B3GALT1: variants seen among roughly 807,000 people sequenced by gnomAD.
B3GALT1 encodes the protein beta-1,3-galactosyltransferase 1.
A neutral mutation model predicts 23.2 loss-of-function variants in B3GALT1; 10 were observed. That is an observed-to-expected ratio of 0.43 (90% CI 0.27 to 0.73). The LOEUF is 0.73. Ranked by LOEUF, B3GALT1 falls within the 30% of genes least tolerant of loss-of-function variation. The probability of loss-of-function intolerance (pLI) is 0.21; values close to 1 mark genes in which losing one functional copy is unlikely to be tolerated. For synonymous variants in B3GALT1, 156 were observed against 141.5 expected, an observed-to-expected ratio of 1.10 and a Z score of -0.73; for missense variants, 299 against 405.4, an observed-to-expected ratio of 0.74 and a Z score of 2.25.
chr2:167,692,830 G>T (rs1024641318), intron 3 of B3GALT1, among the ~76,000 whole-genome samples: 2 of 151,722 alleles, frequency 1.3e-5, no homozygotes, highest in Admixed American at 6.6e-5. Flanking sequence ...TTAATCACTG[G>T]GGCTCTGCTA....
chr2:167,840,319 A>C (rs998498684), intron 4 of B3GALT1, among the ~76,000 whole-genome samples: 5 of 152,158 alleles, frequency 3.3e-5, no homozygotes, highest in Admixed American at 6.5e-5. Flanking sequence ...CAATGAACTC[A>C]AACAAATTTA....
At chr2:167,651,960 G>T (rs1343288795) in intron 3 of B3GALT1, among the ~76,000 whole-genome samples, 1 of 151,828 alleles carries the variant, frequency 6.6e-6, no homozygotes, top group Non-Finnish European at 1.5e-5. Context: ...CCTTCCCTTT[G>T]CCCCAGCACA....
At chr2:167,416,015 T>C (rs10803825) in intron 1 of B3GALT1, among the ~76,000 whole-genome samples, 140,626 of 152,214 alleles carry the variant, frequency 0.92, 65,613 homozygotes, top group Non-Finnish European at 0.99. Flanking sequence ...AAAAAAAGAT[T>C]TGGAAAACTC....
At chr2:167,525,619 C>A (rs981063007) in intron 2 of B3GALT1, among the ~76,000 whole-genome samples, 1 of 151,532 alleles carries the variant, frequency 6.6e-6, no homozygotes, top group Non-Finnish European at 1.5e-5. Flanking sequence ...GGAGCTCTTT[C>A]ATTTTTTTTA....
intron 3 of B3GALT1, among the ~76,000 whole-genome samples, chr2:167,704,928 TAA>T (rs1046514888): frequency 6.6e-6 from 1 of 151,796 alleles, no homozygotes; most frequent in African/African-American, 2.4e-5. Context: ...TATGATAAAA[TAA>T]AGAGGGAGAG....
At chr2:167,634,956 T>C (rs1474548727) in intron 2 of B3GALT1, among the ~76,000 whole-genome samples, 1 of 152,138 alleles carries the variant, frequency 6.6e-6, no homozygotes, top group African/African-American at 2.4e-5. Context: ...CTGTATAAAA[T>C]ACTGGCAAAC....
At chr2:167,351,586 G>T (rs1383745695) in intron 1 of B3GALT1, among the ~76,000 whole-genome samples, 3 of 152,200 alleles carry the variant, frequency 2.0e-5, no homozygotes, top group South Asian at 2.1e-4. Flanking sequence ...ACACAAGTGT[G>T]TGTAGAGGAG....
chr2:167,462,363 A>C (rs1371902620), intron 1 of B3GALT1, among the ~76,000 whole-genome samples: 1 of 152,186 alleles, frequency 6.6e-6, no homozygotes, highest in Non-Finnish European at 1.5e-5. Flanking sequence ...AAAGTCCTTG[A>C]TTTAGGCTAC....
chr2:167,396,431 T>G (rs1698096950), intron 1 of B3GALT1, among the ~76,000 whole-genome samples: 1 of 151,792 alleles, frequency 6.6e-6, no homozygotes, highest in Non-Finnish European at 1.5e-5. Flanking sequence ...ATAAAATCTT[T>G]ACTATTTAGA....
At chr2:167,411,378 C>CAAAA (rs60719828) in intron 1 of B3GALT1, among the ~76,000 whole-genome samples, 7 of 136,544 alleles carry the variant, frequency 5.1e-5, no homozygotes, top group African/African-American at 1.9e-4. Context: ...AACAAAAAAC[C>CAAAA]AAAAAAAAAA....
chr2:167,808,258 T>C lies in B3GALT1; in HGVS notation c.-351-10414T>C, dbSNP rs1338945587. Among the ~76,000 whole-genome samples the C allele has an allele frequency of 2.6e-5, 4 of 151,084 alleles. 1 individual carries two copies. The highest frequency in any genetic ancestry group is 1.9e-4 in the East Asian group (1 of 5,190). On this transcript the variant is annotated intron_variant, in intron 3 of 4. Coordinates refer to ENST00000392690, the MANE Select transcript of B3GALT1 (RefSeq NM_020981.4). ...TGATGGGTCTTGACTCTTTATCCAA[T>C]TTGCCAGTCTGTGTCTTTTAATTGG...
At chr2:167,365,585 T>TACAC (rs10683932) in intron 1 of B3GALT1, among the ~76,000 whole-genome samples, 12,154 of 140,376 alleles carry the variant, frequency 0.087, 511 homozygotes, top group Non-Finnish European at 0.094. Context: ...GAGATACAAA[T>TACAC]ACACACACAC....
rs550528004 is a variant in B3GALT1 at position 167,383,977 on chromosome 2, A to G, written c.-511+90643A>G. On this transcript the variant is annotated intron_variant, in intron 1 of 4. Coordinates refer to ENST00000392690, the MANE Select transcript of B3GALT1 (RefSeq NM_020981.4). ...TAACACTTTCTAAAGTTGATGTCAT[A>G]CTTTTAAAATGCAAACTATTTGCAC... 3.3e-5 allele frequency among the ~76,000 whole-genome samples: 5 copies of G among 152,324 alleles called. No homozygotes were observed. In the South Asian group the frequency reaches 6.2e-4, roughly 19 times the overall value.
At chr2:167,830,965 A>G (rs1689340096) in intron 4 of B3GALT1, among the ~76,000 whole-genome samples, 1 of 152,184 alleles carries the variant, frequency 6.6e-6, no homozygotes, top group African/African-American at 2.4e-5. Context: ...GCCTCTGGAC[A>G]TTTGTCTCTA....
At chr2:167,439,758 A>G (rs1163400155) in intron 1 of B3GALT1, among the ~76,000 whole-genome samples, 2 of 152,122 alleles carry the variant, frequency 1.3e-5, no homozygotes, top group Non-Finnish European at 2.9e-5. Flanking sequence ...TTTCCTGTGA[A>G]TAGAAGACAT....
chr2:167,829,754 G>C (rs774562646), intron 4 of B3GALT1, among the ~76,000 whole-genome samples: 1 of 152,132 alleles, frequency 6.6e-6, no homozygotes, highest in Non-Finnish European at 1.5e-5. Flanking sequence ...GTGACTTCCT[G>C]CTGGGCAGGA....
intron 3 of B3GALT1, among the ~76,000 whole-genome samples, chr2:167,727,860 A>G (rs1302997599): frequency 1.3e-5 from 2 of 152,168 alleles, no homozygotes; most frequent in Admixed American, 1.3e-4. Context: ...GCTTAATTGT[A>G]TTACAAATGG....
intron 1 of B3GALT1, among the ~76,000 whole-genome samples, chr2:167,328,746 G>T (rs1453346273): frequency 2.0e-5 from 3 of 151,910 alleles, no homozygotes; most frequent in African/African-American, 7.2e-5. Flanking sequence ...GCTTATTTTA[G>T]GTTAGGTTTT....
chr2:167,558,230 A>T (rs1483813213), intron 2 of B3GALT1: 9 of 152,252 alleles, frequency 5.9e-5, no homozygotes, highest in Admixed American at 5.9e-4. Flanking sequence ...CAGATCATTT[A>T]GATAAAATAA....
Sources: allele counts gnomAD v4.1 joint callset (sites outside exome capture counted in the v4.1 genomes callset), GRCh38; gene constraint gnomAD v4.1.1; transcripts MANE v1.5; gene names NCBI Gene and HGNC (gene_info 2026-07-23, HGNC 2026-07-21).